Variants in DPY19L4 observed in about 807,000 individuals in gnomAD.
The protein encoded by DPY19L4 is probable C-mannosyltransferase DPY19L4.
DPY19L4 carries 97 observed loss-of-function variants against 102.8 expected under a neutral mutation model. The observed-to-expected ratio is 0.94, with a 90% CI of 0.80 to 1.12. The LOEUF (loss-of-function observed/expected upper bound fraction) is 1.12. Ranked by LOEUF, DPY19L4 falls within the 50% of genes most tolerant of loss-of-function variation. DPY19L4 has a pLI of 0.00. For synonymous variants in DPY19L4, 252 were observed against 283.1 expected (o/e 0.89, Z 1.10); for missense variants, 815 against 850.4 (o/e 0.96, Z 0.52).
rs762852078 is a variant in DPY19L4, at chr8:94,781,202, A to G, written c.1715+36A>G. 3.4e-5 allele frequency: 50 copies of G among 1,453,366 alleles called. No homozygotes were observed. In the South Asian group the frequency reaches 6.4e-4, roughly 18 times the overall value. The allele number at this position is 1,453,366 out of a possible 1,614,324, so 90.0% of individuals were successfully genotyped here. The stretch of plus-strand genomic sequence containing the variant: ...AAGTGCCCAAGACTATTATTAAGCT[A>G]TTAATTAATCACTGCATGCTATCTA... On this transcript the variant is annotated intron_variant, in intron 16 of 18. Coordinates refer to ENST00000414645, the MANE Select transcript of DPY19L4 (RefSeq NM_181787.3).
chr8:94,789,849 T>TA lies in DPY19L4; in HGVS notation c.2112dup (p.Tyr705IlefsTer10), dbSNP rs775586707. 3.1e-6 allele frequency: 5 copies of TA among 1,610,820 alleles called. No individual in the cohort carries two copies. The Admixed American group carries it at 6.7e-5, about 22-fold the overall frequency. ...CCATATGTGAATTATTTCACTAGAG[T>TA]ATACTGGAACAGATCCTACTTTGTA... On this transcript the variant is annotated frameshift_variant, in exon 19 of 19. Transcript: ENST00000414645. LOFTEE classifies it high-confidence loss of function.
chr8:94,770,636 A>T (rs13250360), intron 13 of DPY19L4, 65 bp downstream of exon 13: 1 of 1,595,490 alleles, frequency 6.3e-7, no homozygotes, highest in South Asian at 1.1e-5. Flanking sequence ...GGTGACTCAC[A>T]CCTGTAATCC....
At chr8:94,729,400 T>C (rs926551639) in intron 2 of DPY19L4, among the ~76,000 whole-genome samples, 2 of 143,262 alleles carry the variant, frequency 1.4e-5, no homozygotes. Context: ...AATTTAAACT[T>C]AGGCAATATA....
intron 2 of DPY19L4, among the ~76,000 whole-genome samples, chr8:94,733,261 A>T (rs1369039569): frequency 2.0e-5 from 3 of 149,798 alleles, no homozygotes; most frequent in Non-Finnish European, 4.4e-5. Flanking sequence ...AGTAGCTGGG[A>T]CTACAGGCAC....
intron 6 of DPY19L4, chr8:94,744,268 T>C: frequency 2.3e-6 from 1 of 437,694 alleles, no homozygotes; most frequent in Non-Finnish European, 4.5e-6. Context: ...CATGTGGCCA[T>C]TTCCCAGAGG....
chr8:94,720,058 T>C (rs757891148), intron 1 of DPY19L4, 44 bp downstream of exon 1: 1 of 1,512,472 alleles, frequency 6.6e-7, no homozygotes, highest in South Asian at 1.2e-5. Context: ...GCCAGTGGTC[T>C]CGGGAAGGAG....
chr8:94,724,256 A>G (rs914164351), intron 1 of DPY19L4, among the ~76,000 whole-genome samples: 2 of 152,236 alleles, frequency 1.3e-5, no homozygotes, highest in African/African-American at 2.4e-5. Context: ...AAATTATCCA[A>G]TTAAATGTTT....
At chr8:94,748,638 CGAT>C (rs943932900) in intron 6 of DPY19L4, among the ~76,000 whole-genome samples, 6 of 144,270 alleles carry the variant, frequency 4.2e-5, no homozygotes, top group South Asian at 4.2e-4. Flanking sequence ...ATGATGATGA[CGAT>C]GATGATGATG....
At chr8:94,738,516 C>CTTTTT (rs368142148) in intron 4 of DPY19L4, 57 bp downstream of exon 4, 23 of 779,814 alleles carry the variant, frequency 2.9e-5, no homozygotes, top group South Asian at 4.6e-5. Flanking sequence ...CTTTTCTTTT[C>CTTTTT]TTTTTTTTTT....
At chr8:94,731,565 G>A (rs965412399) in intron 2 of DPY19L4, among the ~76,000 whole-genome samples, 1 of 151,870 alleles carries the variant, frequency 6.6e-6, no homozygotes, top group African/African-American at 2.4e-5. Context: ...ACAGGCATGC[G>A]CCACCACACC....
At chr8:94,763,042 G>T (rs959566463) in intron 8 of DPY19L4, among the ~76,000 whole-genome samples, 1 of 148,402 alleles carries the variant, frequency 6.7e-6, no homozygotes, top group South Asian at 2.2e-4. Flanking sequence ...TCTGCCTCCC[G>T]GCTTCAAGCG....
intron 6 of DPY19L4, chr8:94,744,903 A>T (rs575433275): frequency 3.2e-5 from 7 of 220,072 alleles, no homozygotes; most frequent in Non-Finnish European, 5.5e-5. Context: ...GCTAAGTTTT[A>T]AAAAATGCGT....
At chr8:94,731,180 A>G (rs576668723) in intron 2 of DPY19L4, among the ~76,000 whole-genome samples, 1 of 152,266 alleles carries the variant, frequency 6.6e-6, no homozygotes, top group South Asian at 2.1e-4. Flanking sequence ...GCCTTAATGA[A>G]AAAAACAAAC....
chr8:94,773,894 G>T (rs1030666317), intron 13 of DPY19L4, among the ~76,000 whole-genome samples: 17 of 144,900 alleles, frequency 1.2e-4, no homozygotes, highest in African/African-American at 3.3e-4. Flanking sequence ...AAAAAGCCAG[G>T]CATGGTGGCA....
In DPY19L4 at chr8:94,780,391, A is replaced by G. The variant is rs1354004102; in HGVS notation, c.1608A>G (p.Ile536Met). ...ALILSMAVPT[I>M]IGLSLWKEFF... ...TTCTGAGCATGGCCGTGCCTACTAT[A>G]ATAGGTCTCAGCTTATGGAAAGAGG... The change falls in exon 15 of 19, where the codon ATA becomes ATG. Residue 536 changes from isoleucine (I) to methionine (M), a missense_variant. By Grantham distance (10) the Ile-to-Met change is conservative. Transcript: ENST00000414645. 2.0e-6 allele frequency: 3 copies of G among 1,491,564 alleles called. No homozygotes were observed. The highest frequency in any genetic ancestry group is 9.0e-7 in the Non-Finnish European group (1 of 1,106,216). 92.4% of individuals were successfully genotyped at this position (1,491,564 alleles called of 1,614,324 possible). A position where few individuals can be genotyped will look rare whatever the true frequency, so the allele number is the denominator to read the frequency against.
Position 94,720,017 on chromosome 8 carries a change from G to T in DPY19L4, c.16+3G>T. On this transcript the variant is annotated splice_donor_region_variant and intron_variant, in intron 1 of 18. Transcript: ENST00000414645. ...AGAAACGATGGCGGAGGAAGAAGGTGATTGCCGCGGGGTCCAGCGCGCCAA... is the reference window on the plus strand; with the variant it reads ...AGAAACGATGGCGGAGGAAGAAGGTTATTGCCGCGGGGTCCAGCGCGCCAA... 6.5e-7 allele frequency: 1 copy of T among 1,531,326 alleles called. No individual in the cohort carries two copies. Among genetic ancestry groups the T allele is most frequent in the South Asian group, 1.2e-5 (1 of 82,058 alleles). The allele number at this position is 1,531,326 out of a possible 1,614,324, so 94.9% of individuals were successfully genotyped here.
intron 16 of DPY19L4, 52 bp downstream of exon 16, chr8:94,781,218 A>G: frequency 7.6e-7 from 1 of 1,317,236 alleles, no homozygotes; most frequent in Non-Finnish European, 1.0e-6. Context: ...TAATCACTGC[A>G]TGCTATCTAA....
At chr8:94,722,161 A>G (rs2130775721) in intron 1 of DPY19L4, among the ~76,000 whole-genome samples, 1 of 150,870 alleles carries the variant, frequency 6.6e-6, no homozygotes, top group Non-Finnish European at 1.5e-5. Flanking sequence ...TAATCCTAAC[A>G]CTTTGGGAGG....
At chr8:94,725,762 A>G (rs936285890) in intron 1 of DPY19L4, among the ~76,000 whole-genome samples, 10 of 152,002 alleles carry the variant, frequency 6.6e-5, no homozygotes, top group African/African-American at 2.2e-4. Context: ...CAGCCCCCCA[A>G]GTAGCTGGGA....
Sources: gnomAD v4.1 joint callset for allele counts (sites outside exome capture counted in the v4.1 genomes callset) on GRCh38, gnomAD v4.1.1 for gene constraint, MANE v1.5 for transcripts, NCBI Gene and HGNC (gene_info 2026-07-23, HGNC 2026-07-21) for gene names.